The following NTN1 variants were observed in gnomAD, a reference collection of about 807,000 sequenced individuals.
NTN1 encodes netrin-1.
In NTN1, 11 loss-of-function variants were observed where a neutral mutation model predicts 54.2. The ratio of observed to expected loss-of-function variants is 0.20; its 90% CI spans 0.13 to 0.34. The LOEUF (loss-of-function observed/expected upper bound fraction) is 0.34, where lower values mean the gene tolerates loss of function less well. Ranked by LOEUF, NTN1 falls within the 10% of genes least tolerant of loss-of-function variation. NTN1 has a pLI of 1.00. For synonymous variants in NTN1, 371 were observed against 382.0 expected (o/e 0.97, Z 0.33); for missense variants, 740 against 893.1 (o/e 0.83, Z 2.18).
At chr17:9,157,053 CCATT>C (rs1159204591) in intron 2 of NTN1, among the ~76,000 whole-genome samples, 3 of 150,462 alleles carry the variant, frequency 2.0e-5, no homozygotes, top group African/African-American at 7.3e-5. Flanking sequence ...TTTCATCCTT[CCATT>C]CATTCATCCA....
At chr17:9,027,748 G>A (rs1162676130) in intron 2 of NTN1, among the ~76,000 whole-genome samples, 1 of 152,096 alleles carries the variant, frequency 6.6e-6, no homozygotes, top group Non-Finnish European at 1.5e-5. Context: ...GGCCTGCTGG[G>A]AGCTGGGAGT....
intron 2 of NTN1, among the ~76,000 whole-genome samples, chr17:9,053,056 A>G (rs1316269642): frequency 6.6e-6 from 1 of 152,226 alleles, no homozygotes; most frequent in Non-Finnish European, 1.5e-5. Context: ...TGACGATGTA[A>G]TTGGCAAACT....
At chr17:9,081,777 A>G (rs971585015) in intron 2 of NTN1, among the ~76,000 whole-genome samples, 1 of 152,240 alleles carries the variant, frequency 6.6e-6, no homozygotes, top group Non-Finnish European at 1.5e-5. Flanking sequence ...AAGCACTTTC[A>G]TGCCTTAAGG....
At chr17:9,112,588 G>A (rs2092195597) in intron 2 of NTN1, among the ~76,000 whole-genome samples, 1 of 141,632 alleles carries the variant, frequency 7.1e-6, no homozygotes, top group African/African-American at 2.7e-5. Context: ...CACTTTGGGA[G>A]GCCGAGGCAG....
chr17:9,210,424 A>ACACACACACACCCCCACACC (rs1905070619), intron 5 of NTN1, among the ~76,000 whole-genome samples: 1 of 84,228 alleles, frequency 1.2e-5, no homozygotes, highest in Non-Finnish European at 2.5e-5. Flanking sequence ...GTGCGTGCAC[A>ACACACACACACCCCCACACC]CACACACACA....
At chr17:9,064,119 TGG>T in intron 2 of NTN1, among the ~76,000 whole-genome samples, 1 of 152,196 alleles carries the variant, frequency 6.6e-6, no homozygotes, top group South Asian at 2.1e-4. Flanking sequence ...TGTAGGTAAG[TGG>T]AAACCAAACA....
At chr17:9,183,368 C>G (rs1409974620) in intron 5 of NTN1, 1 of 493,038 alleles carries the variant, frequency 2.0e-6, no homozygotes, top group Admixed American at 2.3e-5. Context: ...GTCGCACAAG[C>G]AGAATGCAGG....
At chr17:9,237,079 A>G (rs967305208) in intron 6 of NTN1, among the ~76,000 whole-genome samples, 3 of 152,204 alleles carry the variant, frequency 2.0e-5, no homozygotes, top group African/African-American at 7.2e-5. Context: ...GCAGAGGCCC[A>G]ACATCCCCAA....
chr17:9,229,307 C>G (rs1428939403), intron 6 of NTN1, among the ~76,000 whole-genome samples: 1 of 152,160 alleles, frequency 6.6e-6, no homozygotes, highest in African/African-American at 2.4e-5. Context: ...AGAGGGCTTG[C>G]CCAGCCAACA....
intron 3 of NTN1, among the ~76,000 whole-genome samples, chr17:9,167,723 G>A (rs1300461623): frequency 3.3e-5 from 5 of 152,158 alleles, no homozygotes; most frequent in African/African-American, 1.2e-4. Flanking sequence ...TCTTTCAGCA[G>A]CTCAGCCAAG....
At position 9,023,347 on chromosome 17, in the gene NTN1, G is replaced by T; in HGVS notation, c.974G>T (p.Arg325Leu). 2 of 1,497,922 alleles carry T rather than the reference G, an allele frequency of 1.3e-6. No homozygotes were observed. Among genetic ancestry groups the T allele is most frequent in the Admixed American group, 2.1e-5 (1 of 46,570 alleles). The allele number at this position is 1,497,922 out of a possible 1,614,324, so 92.8% of individuals were successfully genotyped here. A position where few individuals can be genotyped will look rare whatever the true frequency, so the allele number is the denominator to read the frequency against. ...CDRCKPFHYD[R>L]PWQRATAREA... ...CGCTGCAAGCCCTTCCACTACGACCGGCCCTGGCAGCGCGCCACAGCCCGC... is the reference window on the plus strand; with the variant it reads ...CGCTGCAAGCCCTTCCACTACGACCTGCCCTGGCAGCGCGCCACAGCCCGC... The change falls in exon 2 of 7, where the codon CGG becomes CTG. Residue 325 changes from arginine to leucine, a missense_variant. Physicochemically the swap from Arg to Leu is moderately radical, Grantham distance 102. Coordinates refer to ENST00000173229, the MANE Select transcript of NTN1 (RefSeq NM_004822.3).
At chr17:9,117,112 A>C (rs1256223183) in intron 2 of NTN1, among the ~76,000 whole-genome samples, 2 of 152,346 alleles carry the variant, frequency 1.3e-5, no homozygotes, top group East Asian at 3.9e-4. Context: ...TGCTTTTAGG[A>C]AAGTCTGGAT....
At chr17:9,152,324 C>T (rs2092330136) in intron 2 of NTN1, among the ~76,000 whole-genome samples, 1 of 152,302 alleles carries the variant, frequency 6.6e-6, no homozygotes, top group African/African-American at 2.4e-5. Context: ...AAGGTAAACT[C>T]CTTTTTTCTC....
chr17:9,003,628 G>C, the NTN1 span, among the ~76,000 whole-genome samples: 1 of 145,882 alleles, frequency 6.9e-6, no homozygotes. The surrounding 1 kb of genome is among the most constrained non-coding windows in gnomAD (Gnocchi z 7.4). Context: ...CACCCCGCCC[G>C]GCCCCCTCGG....
chr17:9,191,796 C>G (rs4791814), intron 5 of NTN1, among the ~76,000 whole-genome samples: 135,428 of 150,150 alleles, frequency 0.9, 61,123 homozygotes, highest in East Asian at 1. Context: ...GGGAGGCCAA[C>G]GGGGGAGGAT....
At chr17:9,031,325 C>T (rs968283792) in intron 2 of NTN1, among the ~76,000 whole-genome samples, 7 of 152,182 alleles carry the variant, frequency 4.6e-5, no homozygotes, top group South Asian at 2.1e-4. Flanking sequence ...CTTCTGATTT[C>T]GTCTGTTTCT....
At chr17:9,077,166 A>G (rs78703592) in intron 2 of NTN1, among the ~76,000 whole-genome samples, 2 of 152,304 alleles carry the variant, frequency 1.3e-5, no homozygotes, top group East Asian at 1.9e-4. Context: ...TCTCTAAAAC[A>G]TGGATGTCCA....
At chr17:9,225,505 G>T (rs978184072) in intron 6 of NTN1, among the ~76,000 whole-genome samples, 1 of 152,166 alleles carries the variant, frequency 6.6e-6, no homozygotes, top group African/African-American at 2.4e-5. Flanking sequence ...GTTTCTCTGA[G>T]GCTGAGGCAA....
intron 6 of NTN1, among the ~76,000 whole-genome samples, chr17:9,231,067 G>A (rs1390770688): frequency 6.6e-6 from 1 of 152,172 alleles, no homozygotes; most frequent in Admixed American, 6.5e-5. Context: ...CGTGCCCTGT[G>A]TCTCCGTGAC....
Sources: gnomAD v4.1 joint callset for allele counts (sites outside exome capture counted in the v4.1 genomes callset) on GRCh38, gnomAD v4.1.1 for gene constraint, Gnocchi (gnomAD v3.1) non-coding constraint, MANE v1.5 for transcripts, NCBI Gene and HGNC (gene_info 2026-07-23, HGNC 2026-07-21) for gene names.